The following ST6GALNAC3 variants were observed in gnomAD, a reference collection of about 807,000 sequenced individuals.
ST6GALNAC3 encodes the protein ST6 N-acetylgalactosaminide alpha-2,6-sialyltransferase 3, also known as alpha-N-acetylgalactosaminide alpha-2,6-sialyltransferase 3.
Under a neutral mutation model 32.7 loss-of-function variants are expected in ST6GALNAC3, and 25 were observed. That is an observed-to-expected ratio of 0.76 (90% CI 0.56 to 1.07). ST6GALNAC3 has a LOEUF of 1.07. ST6GALNAC3 is among the 50% of genes least tolerant of loss of function. The pLI is 0.00. For synonymous variants in ST6GALNAC3, 129 were observed against 133.1 expected (o/e 0.97, Z 0.21); for missense variants, 355 against 382.4 (o/e 0.93, Z 0.60).
intron 1 of ST6GALNAC3, among the ~76,000 whole-genome samples, chr1:76,140,239 T>C (rs1209045280): frequency 2.0e-5 from 3 of 152,234 alleles, no homozygotes; most frequent in Admixed American, 2.0e-4. Flanking sequence ...AGAGAGAAGT[T>C]TTGCATTCTG....
At chr1:76,460,285 A>G (rs555379671) in intron 3 of ST6GALNAC3, among the ~76,000 whole-genome samples, 28 of 152,148 alleles carry the variant, frequency 1.8e-4, no homozygotes, top group African/African-American at 6.5e-4. Context: ...ATCTTTAGAG[A>G]TATGTCAAGT....
chr1:76,348,395 A>C (rs917875963), intron 2 of ST6GALNAC3, among the ~76,000 whole-genome samples: 2 of 152,154 alleles, frequency 1.3e-5, no homozygotes, highest in Non-Finnish European at 2.9e-5. Context: ...TTGATGTGGA[A>C]AAGGCAGCTG....
At chr1:76,395,561 G>T (rs1652887924) in intron 2 of ST6GALNAC3, among the ~76,000 whole-genome samples, 1 of 151,854 alleles carries the variant, frequency 6.6e-6, no homozygotes, top group South Asian at 2.1e-4. Flanking sequence ...GTGGCTGAAT[G>T]GATAAAGAAA....
At chr1:76,126,533 TTTTTC>T (rs2100851809) in intron 1 of ST6GALNAC3, among the ~76,000 whole-genome samples, 1 of 152,200 alleles carries the variant, frequency 6.6e-6, no homozygotes, top group African/African-American at 2.4e-5. Context: ...ATACTGTACT[TTTTTC>T]TTTTCTTAAT....
At chr1:76,596,218 C>G (rs1457320802) in intron 3 of ST6GALNAC3, among the ~76,000 whole-genome samples, 1 of 152,138 alleles carries the variant, frequency 6.6e-6, no homozygotes, top group Admixed American at 6.6e-5. Context: ...TGCACTCAAG[C>G]AGAATTAATT....
chr1:76,098,883 G>A (rs1179235467), intron 1 of ST6GALNAC3, among the ~76,000 whole-genome samples: 2 of 151,924 alleles, frequency 1.3e-5, no homozygotes, highest in Non-Finnish European at 2.9e-5. Context: ...GCATATTAAT[G>A]TCTAGAAACT....
chr1:76,520,355 A>T (rs576287391), intron 3 of ST6GALNAC3, among the ~76,000 whole-genome samples: 2 of 152,282 alleles, frequency 1.3e-5, no homozygotes, highest in South Asian at 4.1e-4. Context: ...TATCAGAGGT[A>T]CTTCTCAGAA....
chr1:76,333,547 C>A (rs559375261), intron 2 of ST6GALNAC3, among the ~76,000 whole-genome samples: 30 of 152,172 alleles, frequency 2.0e-4, no homozygotes, highest in African/African-American at 7.0e-4. Context: ...CCAATTATGG[C>A]TTTTATATTC....
chr1:76,135,469 T>C lies in ST6GALNAC3; in HGVS notation c.18+60585T>C, dbSNP rs946527654. Among the ~76,000 whole-genome samples, 4 of 152,192 alleles carry C rather than the reference T, an allele frequency of 2.6e-5. No individual in the cohort carries two copies. The East Asian group carries it at 5.8e-4, about 22-fold the overall frequency. On this transcript the variant is annotated intron_variant, in intron 1 of 4. Coordinates refer to ENST00000328299, the MANE Select transcript of ST6GALNAC3 (RefSeq NM_152996.4). ...CATTTACTGCAGCACTCTAGTGAGG[T>C]GGACATTATTATCCCTATTTTGCAG...
intron 3 of ST6GALNAC3, among the ~76,000 whole-genome samples, chr1:76,593,671 T>C (rs71656892): frequency 0.061 from 9,269 of 152,284 alleles, 298 homozygotes; most frequent in Middle Eastern, 0.085. Context: ...AATTCTTTAC[T>C]CTACTTTCCC....
At chr1:76,636,132 C>T (rs1386225662), downstream of ST6GALNAC3, among the ~76,000 whole-genome samples, 1 of 152,120 alleles carries the variant, frequency 6.6e-6, no homozygotes, top group Non-Finnish European at 1.5e-5. Flanking sequence ...CCAGAATAAA[C>T]TAAGGAACAA....
chr1:76,184,519 G>GCACA (rs71071992), intron 1 of ST6GALNAC3, among the ~76,000 whole-genome samples: 7,596 of 133,950 alleles, frequency 0.057, 288 homozygotes, highest in Admixed American at 0.12. Flanking sequence ...CTCCTGGGCA[G>GCACA]CACACACACA....
chr1:76,215,069 G>A (rs1264203779), intron 1 of ST6GALNAC3, among the ~76,000 whole-genome samples: 1 of 152,158 alleles, frequency 6.6e-6, no homozygotes, highest in Non-Finnish European at 1.5e-5. Context: ...TTGTGGAGTG[G>A]TTCTTCACAT....
chr1:76,416,654 G>A (rs1654654402), intron 3 of ST6GALNAC3, among the ~76,000 whole-genome samples: 1 of 123,652 alleles, frequency 8.1e-6, no homozygotes, highest in Non-Finnish European at 1.6e-5. Context: ...TTGAGACAGA[G>A]TCTCACTCTG....
At chr1:76,539,931 T>C (rs1663883747) in intron 3 of ST6GALNAC3, among the ~76,000 whole-genome samples, 3 of 152,218 alleles carry the variant, frequency 2.0e-5, no homozygotes. Context: ...GTTCAACCAC[T>C]GTGGAAGACA....
In ST6GALNAC3 at chr1:76,515,790, A is replaced by G. The variant is rs141820309; in HGVS notation, c.623+103373A>G. On this transcript the variant is annotated intron_variant, in intron 3 of 4. Transcript: ENST00000328299. ...TGAAAAGATACTTGATATGATCTCT[A>G]TGTTCTTAAATTTTTAAGTCTTGTT... Among the ~76,000 whole-genome samples, 44 of 152,202 alleles carry G rather than the reference A, an allele frequency of 2.9e-4. 1 individual carries two copies. The East Asian group carries it at 8.3e-3, about 29-fold the overall frequency.
intron 1 of ST6GALNAC3, among the ~76,000 whole-genome samples, chr1:76,248,848 A>C (rs1205131338): frequency 2.6e-5 from 4 of 151,944 alleles, no homozygotes; most frequent in Admixed American, 2.6e-4. Context: ...AGAGGATGAC[A>C]CATTAGGAAG....
At chr1:76,456,997 C>A (rs2101578945) in intron 3 of ST6GALNAC3, among the ~76,000 whole-genome samples, 1 of 151,998 alleles carries the variant, frequency 6.6e-6, no homozygotes, top group African/African-American at 2.4e-5. Flanking sequence ...TAAGCAACTT[C>A]AGCAAAGTCT....
intron 1 of ST6GALNAC3, among the ~76,000 whole-genome samples, chr1:76,118,499 A>G (rs562159572): frequency 3.0e-4 from 45 of 152,184 alleles, no homozygotes; most frequent in Non-Finnish European, 6.3e-4. Flanking sequence ...AACCCCAAAG[A>G]GTAGCAATTT....
Sources: gnomAD v4.1 joint callset for allele counts (sites outside exome capture counted in the v4.1 genomes callset) on GRCh38, gnomAD v4.1.1 for gene constraint, MANE v1.5 for transcripts, NCBI Gene and HGNC (gene_info 2026-07-23, HGNC 2026-07-21) for gene names.